NAV2: variants seen among roughly 807,000 people sequenced by gnomAD.
The protein encoded by NAV2 is helicase, APC down-regulated 1.
A neutral mutation model predicts 223.2 loss-of-function variants in NAV2; 54 were observed. The ratio of observed to expected loss-of-function variants is 0.24; its 90% CI spans 0.19 to 0.30. The LOEUF is 0.30. NAV2 is among the 10% of genes least tolerant of loss of function. NAV2 has a pLI of 1.00. For missense variants in NAV2, 2,806 were observed against 3,147.5 expected (o/e 0.89, Z 2.60); for synonymous variants, 1,279 against 1,239.3 (o/e 1.03, Z -0.67).
At chr11:19,635,511 G>T (rs900213847) in intron 1 of NAV2, among the ~76,000 whole-genome samples, 6 of 152,278 alleles carry the variant, frequency 3.9e-5, no homozygotes, top group Non-Finnish European at 7.4e-5. Context: ...GATTCTGATG[G>T]CTGGAAAGTC....
chr11:19,598,417 C>T (rs2046267037), intron 1 of NAV2, among the ~76,000 whole-genome samples: 1 of 152,216 alleles, frequency 6.6e-6, no homozygotes, highest in Admixed American at 6.5e-5. Flanking sequence ...TTCAGTCTGA[C>T]CTGCTTTTAT....
intron 1 of NAV2, among the ~76,000 whole-genome samples, chr11:19,379,841 G>C (rs1052747934): frequency 1.3e-5 from 2 of 152,154 alleles, no homozygotes; most frequent in African/African-American, 4.8e-5. Flanking sequence ...CCTGCCAACA[G>C]TGTCTTCCCA....
chr11:19,421,380 G>A (rs1042248842), intron 1 of NAV2, among the ~76,000 whole-genome samples: 5 of 152,144 alleles, frequency 3.3e-5, no homozygotes, highest in East Asian at 1.9e-4. Context: ...ATGTGTCCAT[G>A]CTGGGGGAAG....
At chr11:19,538,683 T>A (rs1209156913) in intron 1 of NAV2, among the ~76,000 whole-genome samples, 3 of 152,042 alleles carry the variant, frequency 2.0e-5, no homozygotes, top group Non-Finnish European at 1.5e-5. Flanking sequence ...TTCTTTTTTT[T>A]TTATGCTTTA....
At chr11:19,404,037 A>C (rs1849791491) in intron 1 of NAV2, among the ~76,000 whole-genome samples, 1 of 152,080 alleles carries the variant, frequency 6.6e-6, no homozygotes, top group South Asian at 2.1e-4. Flanking sequence ...GGAGTGAGTG[A>C]GGGGACAGTG....
intron 1 of NAV2, among the ~76,000 whole-genome samples, chr11:19,718,816 A>G (rs1272274690): frequency 6.6e-6 from 1 of 152,210 alleles, no homozygotes; most frequent in Admixed American, 6.5e-5. Flanking sequence ...ATATAAATAC[A>G]TCTACTTCTG....
intron 1 of NAV2, among the ~76,000 whole-genome samples, chr11:19,388,218 C>A (rs550454886): frequency 2.6e-5 from 4 of 152,170 alleles, no homozygotes; most frequent in Non-Finnish European, 5.9e-5. Context: ...TTTGTGAAAC[C>A]GTGGATTATA....
At chr11:19,467,018 C>CACACACAGAG (rs982297137) in intron 1 of NAV2, among the ~76,000 whole-genome samples, 208 of 82,434 alleles carry the variant, frequency 2.5e-3, no homozygotes, top group African/African-American at 7.7e-3. Context: ...CACACACACA[C>CACACACAGAG]AGAGAGAGAG....
rs757291584 is a variant in NAV2 at position 19,933,542 on chromosome 11, T to A, written c.1298T>A (p.Leu433Gln). Residue 433 changes from leucine to glutamine, a missense_variant, in exon 7 of 38, where the codon CTG (leucine) becomes CAG (glutamine). Physicochemically the swap from Leu to Gln is moderately radical, Grantham distance 113 (BLOSUM62 -2). Transcript: ENST00000349880. The surrounding 1 kb of genome is among the most constrained non-coding windows in gnomAD (Gnocchi z 4.3). ...RDTSCERLET[L>Q]PSFEESEELE... ...ACAAGCTGTGAGCGGCTGGAGACTC[T>A]GCCCAGCTTCGAAGAGAGCGAGGAG... 1.9e-6 allele frequency: 3 copies of A among 1,609,358 alleles called. No homozygotes were observed. Among genetic ancestry groups the A allele is most frequent in the African/African-American group, 1.3e-5 (1 of 74,806 alleles).
chr11:19,545,322 A>T (rs954634249), intron 1 of NAV2, among the ~76,000 whole-genome samples: 1 of 152,162 alleles, frequency 6.6e-6, no homozygotes, highest in Non-Finnish European at 1.5e-5. Flanking sequence ...TATTCATGAC[A>T]TGTGTGCTCT....
At chr11:19,705,010 C>CAA (rs1244386651) in intron 1 of NAV2, among the ~76,000 whole-genome samples, 21 of 47,492 alleles carry the variant, frequency 4.4e-4, no homozygotes, top group East Asian at 1.3e-3. Context: ...GACTCCGTCT[C>CAA]AAAAAAAAAA....
intron 1 of NAV2, among the ~76,000 whole-genome samples, chr11:19,550,004 G>A (rs1383585643): frequency 6.6e-6 from 1 of 152,214 alleles, no homozygotes; most frequent in Non-Finnish European, 1.5e-5. Flanking sequence ...CTGGCCTAGA[G>A]TCCTGCAGTT....
At chr11:19,953,260 CTT>C (rs1474532996) in intron 10 of NAV2, among the ~76,000 whole-genome samples, 6 of 152,144 alleles carry the variant, frequency 3.9e-5, no homozygotes, top group African/African-American at 1.4e-4. Flanking sequence ...CTCTCAGAAC[CTT>C]TGATGGCTTC....
At chr11:19,756,641 G>T (rs1296380303) in intron 1 of NAV2, among the ~76,000 whole-genome samples, 1 of 152,140 alleles carries the variant, frequency 6.6e-6, no homozygotes, top group Non-Finnish European at 1.5e-5. Flanking sequence ...TTTTGAGAGT[G>T]GCAGCCTTTT....
chr11:20,082,485 ATGT>A (rs2060152048), intron 25 of NAV2: 5 of 1,060,188 alleles, frequency 4.7e-6, no homozygotes, highest in Non-Finnish European at 7.4e-6. Flanking sequence ...ATTATTAGCC[ATGT>A]TGTGTCTGAA....
At chr11:19,572,940 C>T (rs755748982) in intron 1 of NAV2, among the ~76,000 whole-genome samples, 18 of 152,092 alleles carry the variant, frequency 1.2e-4, no homozygotes, top group Admixed American at 4.6e-4. Context: ...AACAACAAAC[C>T]GCAGAACCAA....
chr11:19,860,163 C>CG (rs1339050506), intron 3 of NAV2, among the ~76,000 whole-genome samples: 2 of 136,028 alleles, frequency 1.5e-5, no homozygotes, highest in East Asian at 2.3e-4. Flanking sequence ...GCTGGCCAGG[C>CG]GGGGGGCTGA....
At chr11:20,102,240 A>T (rs1459011970) in intron 32 of NAV2, among the ~76,000 whole-genome samples, 1 of 152,102 alleles carries the variant, frequency 6.6e-6, no homozygotes, top group Non-Finnish European at 1.5e-5. Context: ...TAGCCACTTT[A>T]AAAGGTGGGC....
chr11:19,370,840 C>T (rs1000250586), intron 1 of NAV2, among the ~76,000 whole-genome samples: 3 of 152,220 alleles, frequency 2.0e-5, no homozygotes, highest in Non-Finnish European at 2.9e-5. Context: ...TGGCTTCCAA[C>T]CTTGTGTAAC....
Sources: gnomAD v4.1 joint callset for allele counts (sites outside exome capture counted in the v4.1 genomes callset) on GRCh38, gnomAD v4.1.1 for gene constraint, Gnocchi (gnomAD v3.1) non-coding constraint, MANE v1.5 for transcripts, NCBI Gene and HGNC (gene_info 2026-07-23, HGNC 2026-07-21) for gene names.